ITPR1: variants seen among roughly 807,000 people sequenced by gnomAD.
The protein encoded by ITPR1 is inositol 1,4,5-trisphosphate receptor type 1.
In ITPR1, 96 loss-of-function variants were observed where a neutral mutation model predicts 318.4. That is an observed-to-expected ratio of 0.30 (90% CI 0.26 to 0.36). The LOEUF (loss-of-function observed/expected upper bound fraction) is 0.36. Ranked by LOEUF, ITPR1 falls within the 10% of genes least tolerant of loss-of-function variation. The pLI is 1.00. For synonymous variants in ITPR1, 1,312 were observed against 1,289.9 expected, an observed-to-expected ratio of 1.02 and a Z score of -0.37; for missense variants, 2,440 against 3,460.2, an observed-to-expected ratio of 0.71 and a Z score of 7.40.
chr3:4,620,503 G>A (rs2092585409), intron 4 of ITPR1, among the ~76,000 whole-genome samples: 1 of 152,096 alleles, frequency 6.6e-6, no homozygotes, highest in African/African-American at 2.4e-5. Flanking sequence ...GGGTTCTGCA[G>A]TGCTAATTGC....
At chr3:4,762,053 GAA>G (rs1303997954) in intron 44 of ITPR1, among the ~76,000 whole-genome samples, 2 of 78,452 alleles carry the variant, frequency 2.5e-5, no homozygotes, top group Non-Finnish European at 7.3e-5. Context: ...CCCCTTCTAA[GAA>G]GAAGTATGTT....
intron 2 of ITPR1, among the ~76,000 whole-genome samples, chr3:4,494,906 A>T (rs888073853): frequency 2.6e-5 from 4 of 152,232 alleles, no homozygotes; most frequent in African/African-American, 9.6e-5. Context: ...ACTCTTTTCT[A>T]ATTTTGAACG....
At chr3:4,628,068 C>T (rs551498897) in intron 5 of ITPR1, among the ~76,000 whole-genome samples, 190 bp downstream of exon 5, 1 of 152,178 alleles carries the variant, frequency 6.6e-6, no homozygotes, top group East Asian at 1.9e-4. Context: ...CTTGAGATGT[C>T]TGGAGAGTTC....
At chr3:4,544,315 T>G (rs2084754992) in intron 4 of ITPR1, among the ~76,000 whole-genome samples, 1 of 152,214 alleles carries the variant, frequency 6.6e-6, no homozygotes, top group Non-Finnish European at 1.5e-5. Flanking sequence ...TTTTAGTGTC[T>G]TGGTGATTGA....
chr3:4,578,594 G>T (rs2088945922), intron 4 of ITPR1, among the ~76,000 whole-genome samples: 1 of 152,104 alleles, frequency 6.6e-6, no homozygotes, highest in African/African-American at 2.4e-5. Flanking sequence ...TGACCAGCTG[G>T]TCCTGTGTTC....
chr3:4,508,564 ATGAG>A (rs1400250778), intron 2 of ITPR1, among the ~76,000 whole-genome samples: 2 of 151,644 alleles, frequency 1.3e-5, no homozygotes, highest in African/African-American at 4.9e-5. Context: ...CCACAGTCAA[ATGAG>A]TGAGTTTTCT....
At chr3:4,611,081 T>G (rs527409958) in intron 4 of ITPR1, among the ~76,000 whole-genome samples, 1 of 125,260 alleles carries the variant, frequency 8.0e-6, no homozygotes, top group East Asian at 2.6e-4. Context: ...CCTTTCTGTC[T>G]GTCTGTCTTT....
At chr3:4,769,430 T>C (rs1438125638) in intron 46 of ITPR1, among the ~76,000 whole-genome samples, 2 of 152,236 alleles carry the variant, frequency 1.3e-5, no homozygotes, top group African/African-American at 4.8e-5. Flanking sequence ...GGCTAGATAA[T>C]TAAATATATT....
intron 50 of ITPR1, 137 bp downstream of exon 50, chr3:4,782,878 C>G (rs572688251): frequency 1.7e-5 from 13 of 779,274 alleles, no homozygotes; most frequent in East Asian, 3.3e-5. Context: ...CTGCGGCTCA[C>G]AGGTGCTCGT....
In ITPR1 at chr3:4,841,480, A is replaced by T. The variant is rs574720199; in HGVS notation, c.8190+4545A>T. On this transcript the variant is annotated intron_variant, in intron 61 of 61. Coordinates refer to ENST00000649015, the MANE Select transcript of ITPR1 (RefSeq NM_001378452.1). ...TTCCGTTCCTTCTTTCAGCCAACAC[A>T]TATGAAACACCTGTTTGCCAGGTGC... 4.6e-5 allele frequency among the ~76,000 whole-genome samples: 7 copies of T among 152,354 alleles called. No individual in the cohort carries two copies. The South Asian group carries it at 1.4e-3, about 32-fold the overall frequency.
intron 52 of ITPR1, among the ~76,000 whole-genome samples, chr3:4,790,550 G>A (rs2047490317): frequency 6.6e-6 from 1 of 152,182 alleles, no homozygotes; most frequent in South Asian, 2.1e-4. Flanking sequence ...TTGCACACTT[G>A]GGGAGGGAGA....
At chr3:4,591,472 T>A (rs1157244710) in intron 4 of ITPR1, among the ~76,000 whole-genome samples, 1 of 152,246 alleles carries the variant, frequency 6.6e-6, no homozygotes, top group Non-Finnish European at 1.5e-5. Context: ...ATTTCTCTAA[T>A]GATCAGTGAT....
At chr3:4,643,086 ATAGGGAATG>A (rs1201043954) in intron 7 of ITPR1, among the ~76,000 whole-genome samples, 1 of 152,226 alleles carries the variant, frequency 6.6e-6, no homozygotes, top group Non-Finnish European at 1.5e-5. Context: ...TGTGTATAAG[ATAGGGAATG>A]TACCAGAAAC....
intron 2 of ITPR1, among the ~76,000 whole-genome samples, chr3:4,502,928 A>G (rs2081130788): frequency 6.6e-6 from 1 of 151,606 alleles, no homozygotes; most frequent in African/African-American, 2.4e-5. Context: ...CTAAAATTAC[A>G]AAAAAAATTA....
At chr3:4,651,844 A>G (rs758110394) in intron 10 of ITPR1, among the ~76,000 whole-genome samples, 11 of 152,212 alleles carry the variant, frequency 7.2e-5, no homozygotes, top group Non-Finnish European at 1.3e-4. Flanking sequence ...AGAATCTGCT[A>G]CTTCATTATG....
chr3:4,820,579 C>G (rs940881357), intron 60 of ITPR1, among the ~76,000 whole-genome samples: 7 of 152,184 alleles, frequency 4.6e-5, no homozygotes, highest in African/African-American at 1.7e-4. Context: ...ACTCTGAGGG[C>G]CTGGGTGTTT....
chr3:4,526,315 A>AT (rs1428982359), intron 4 of ITPR1, among the ~76,000 whole-genome samples: 1 of 152,260 alleles, frequency 6.6e-6, no homozygotes, highest in African/African-American at 2.4e-5. Context: ...AGTGGTTCAT[A>AT]TGAATTGGGG....
At chr3:4,765,551 G>A (rs1027544719) in intron 44 of ITPR1, among the ~76,000 whole-genome samples, 3 of 152,106 alleles carry the variant, frequency 2.0e-5, no homozygotes, top group Non-Finnish European at 4.4e-5. Context: ...GTTCTTTCTG[G>A]GATTGGAAGC....
At chr3:4,816,402 T>A (rs1246187850) in intron 59 of ITPR1, 1 of 152,226 alleles carries the variant, frequency 6.6e-6, no homozygotes, top group Non-Finnish European at 1.5e-5. Context: ...GTTCTTCTCA[T>A]TGCATCGTAT....
Sources: allele counts gnomAD v4.1 joint callset (sites outside exome capture counted in the v4.1 genomes callset), GRCh38; gene constraint gnomAD v4.1.1; transcripts MANE v1.5; gene names NCBI Gene and HGNC (gene_info 2026-07-23, HGNC 2026-07-21).